The following GCSAML variants were observed in gnomAD, a reference collection of about 807,000 sequenced individuals.
GCSAML encodes the protein germinal center-associated signaling and motility-like protein.
GCSAML carries 9 observed loss-of-function variants against 13.0 expected under a neutral mutation model. The observed-to-expected ratio is 0.69, with a 90% CI of 0.42 to 1.21. GCSAML has a LOEUF of 1.21. GCSAML is among the 50% of genes most tolerant of loss of function. GCSAML has a pLI of 0.00. For missense variants in GCSAML, 143 were observed against 153.4 expected (o/e 0.93, Z 0.36); for synonymous variants, 37 against 52.9 (o/e 0.70, Z 1.31).
intron 4 of GCSAML, among the ~76,000 whole-genome samples, chr1:247,571,830 G>T (rs1162833899): frequency 6.6e-6 from 1 of 152,046 alleles, no homozygotes; most frequent in Non-Finnish European, 1.5e-5. Flanking sequence ...TCACTTTCAG[G>T]TACACCAATC....
intron 2 of GCSAML, chr1:247,538,648 C>A (rs1349314506): frequency 2.3e-6 from 1 of 432,532 alleles, no homozygotes; most frequent in Non-Finnish European, 4.6e-6. Flanking sequence ...CTGCCTACCC[C>A]AGTCTCTTTC....
At chr1:247,548,986 T>A, upstream of GCSAML, 2 of 1,390,934 alleles carry the variant, frequency 1.4e-6, no homozygotes, top group East Asian at 5.1e-5. The surrounding 1 kb of genome is among the most constrained non-coding windows in gnomAD (Gnocchi z 5.3). Flanking sequence ...ACACGCACAC[T>A]CACATTTTCC....
In GCSAML at chr1:247,576,978, G is replaced by A. The variant is rs1350904984; in HGVS notation, c.*2596G>A. ...TAATAAACAGTATTGATTGGTAGAA[G>A]GAACGTTGAAATCCAAGAGCATCAA... On this transcript the variant is annotated 3_prime_UTR_variant, in exon 5 of 5. Transcript: ENST00000366488. The A allele has an allele frequency of 3.3e-5, 5 of 152,148 alleles. No homozygotes were observed. The highest frequency in any genetic ancestry group is 1.2e-4 in the African/African-American group (5 of 41,438). 9.4% of individuals were successfully genotyped at this position (152,148 alleles called of 1,614,324 possible).
chr1:247,550,054 C>T (rs17292702), intron 1 of GCSAML, among the ~76,000 whole-genome samples: 15,578 of 152,158 alleles, frequency 0.1, 1,311 homozygotes, highest in African/African-American at 0.23. Context: ...TATGACCTAA[C>T]GCTAATAGAC....
At chr1:247,546,933 T>TA (rs767482285), upstream of GCSAML, among the ~76,000 whole-genome samples, 687 of 102,208 alleles carry the variant, frequency 6.7e-3, 6 homozygotes, top group Admixed American at 0.022. Context: ...CTACTAAAAT[T>TA]AAAAAAAAAA....
At chr1:247,531,274 G>A in intron 2 of GCSAML, 1 of 441,146 alleles carries the variant, frequency 2.3e-6, no homozygotes. Context: ...AGGAACAGCT[G>A]AACAACAACG....
At chr1:247,515,429 CTAAT>C (rs1322013427) in intron 1 of GCSAML, among the ~76,000 whole-genome samples, 35 of 152,194 alleles carry the variant, frequency 2.3e-4, no homozygotes, top group Admixed American at 2.2e-3. Context: ...GGAATGGTAA[CTAAT>C]TAATATATAA....
In GCSAML at chr1:247,574,258, T is replaced by G; in HGVS notation, c.284T>G (p.Leu95Arg). 8 of 1,614,110 alleles carry G rather than the reference T, an allele frequency of 5.0e-6. No homozygotes were observed. Among genetic ancestry groups the G allele is most frequent in the Non-Finnish European group, 5.9e-6 (7 of 1,179,992 alleles). Residue 95 changes from leucine to arginine, a missense_variant, in exon 5 of 5, where the codon CTC becomes CGC. Physicochemically the swap from Leu to Arg is moderately radical, Grantham distance 102. Coordinates refer to ENST00000366488, the MANE Select transcript of GCSAML (RefSeq NM_145278.5). ...GATGGCTATGAGAACATTGACTCCC[T>G]CACAAGGAAAGTGAGACAGTTTAGA... ...NDDGYENIDS[L>R]TRKVRQFRER...
chr1:247,573,226 A>G (rs1410750320), intron 4 of GCSAML, among the ~76,000 whole-genome samples: 1 of 151,692 alleles, frequency 6.6e-6, no homozygotes, highest in Admixed American at 6.6e-5. Context: ...TATGAAAAAA[A>G]CTCCTGCAGC....
chr1:247,546,906 G>A (rs1013885605), upstream of GCSAML, among the ~76,000 whole-genome samples: 16 of 146,408 alleles, frequency 1.1e-4, no homozygotes, highest in East Asian at 1.9e-3. Context: ...CCTGGGCAAC[G>A]TAACAAGACC....
At chr1:247,551,599 G>C (rs1488660043) in intron 1 of GCSAML, among the ~76,000 whole-genome samples, 2 of 152,070 alleles carry the variant, frequency 1.3e-5, no homozygotes, top group Non-Finnish European at 2.9e-5. Flanking sequence ...GAAGATGCAG[G>C]GGCAAAAGGA....
rs569809367 is a variant in GCSAML, at chr1:247,513,986, C to T, written c.-263+6753C>T. On this transcript the variant is annotated intron_variant, in intron 1 of 5. Coordinates refer to the GCSAML transcript ENST00000366489. ...ATCTTGTCAGCCACAACCCCCCCACCGCCTTTTTTTTTTAAGATGGAGTCT... is the reference window on the plus strand; with the variant it reads ...ATCTTGTCAGCCACAACCCCCCCACTGCCTTTTTTTTTTAAGATGGAGTCT... Among the ~76,000 whole-genome samples the T allele has an allele frequency of 1.1e-4, 16 of 151,952 alleles. No homozygotes were observed. In the East Asian group the frequency reaches 2.1e-3, roughly 20 times the overall value.
At chr1:247,541,892 C>T (rs1388461220) in intron 2 of GCSAML, among the ~76,000 whole-genome samples, 1 of 151,924 alleles carries the variant, frequency 6.6e-6, no homozygotes, top group African/African-American at 2.4e-5. Context: ...TGCCTGTAGT[C>T]CCAGCTACTC....
chr1:247,514,791 G>C (rs187018144), intron 1 of GCSAML, among the ~76,000 whole-genome samples: 1 of 152,100 alleles, frequency 6.6e-6, no homozygotes, highest in Non-Finnish European at 1.5e-5. Context: ...CTTTAATTAC[G>C]GTTTCTTTAT....
upstream of GCSAML, among the ~76,000 whole-genome samples, chr1:247,546,565 G>A (rs1667585031): frequency 6.6e-6 from 1 of 151,878 alleles, no homozygotes; most frequent in Admixed American, 6.6e-5. Context: ...GTTTCACTGT[G>A]TTAGCCAGGA....
rs1668883948 is a variant in GCSAML, at chr1:247,577,620, T to C, written c.*3238T>C. ...TTGTTAATCTAATCACTGATGGATA[T>C]GTAGGATATTTAAGTTTTTGACATT... On this transcript the variant is annotated 3_prime_UTR_variant, in exon 5 of 5. Coordinates refer to ENST00000366488, the MANE Select transcript of GCSAML (RefSeq NM_145278.5). 1 of 152,210 alleles carries C rather than the reference T, an allele frequency of 6.6e-6. No homozygotes were observed. Among genetic ancestry groups the C allele is most frequent in the Non-Finnish European group, 1.5e-5 (1 of 68,032 alleles). 9.4% of individuals were successfully genotyped at this position (152,210 alleles called of 1,614,324 possible).
chr1:247,548,129 A>G (rs1002709187), upstream of GCSAML, among the ~76,000 whole-genome samples: 11 of 152,212 alleles, frequency 7.2e-5, no homozygotes, highest in Non-Finnish European at 1.5e-4. The surrounding 1 kb of genome is among the most constrained non-coding windows in gnomAD (Gnocchi z 5.3). Context: ...ATAGTTTCTG[A>G]TTTCAGCAAA....
At chr1:247,538,685 C>T (rs577616244) in intron 2 of GCSAML, 2 of 454,434 alleles carry the variant, frequency 4.4e-6, no homozygotes, top group South Asian at 3.1e-5. Context: ...GAGGAAAGGC[C>T]AGATGAGGAC....
intron 1 of GCSAML, among the ~76,000 whole-genome samples, chr1:247,518,264 AG>A (rs1232708703): frequency 6.6e-6 from 1 of 152,160 alleles, no homozygotes; most frequent in Non-Finnish European, 1.5e-5. Context: ...TGCCTCTGCC[AG>A]TTCGTGTGTG....
Sources: gnomAD v4.1 joint callset for allele counts (sites outside exome capture counted in the v4.1 genomes callset) on GRCh38, gnomAD v4.1.1 for gene constraint, Gnocchi (gnomAD v3.1) non-coding constraint, MANE v1.5 for transcripts, NCBI Gene and HGNC (gene_info 2026-07-23, HGNC 2026-07-21) for gene names.